The following SFI1 variants were observed in gnomAD, a reference collection of about 807,000 sequenced individuals.
SFI1 encodes protein SFI1 homolog.
Under a neutral mutation model 207.5 loss-of-function variants are expected in SFI1, and 195 were observed. The ratio of observed to expected loss-of-function variants is 0.94; its 90% CI spans 0.84 to 1.06. SFI1 has a LOEUF of 1.06. SFI1 is among the 50% of genes least tolerant of loss of function. The pLI, the probability that SFI1 is intolerant of heterozygous loss-of-function variation, is 0.00. For synonymous variants in SFI1, 630 were observed against 598.9 expected (o/e 1.05, Z -0.76); for missense variants, 1,634 against 1,588.0 (o/e 1.03, Z -0.49).
chr22:31,583,750 GTATGT>G, intron 12 of SFI1, 120 bp from the exon 13 acceptor site: 1 of 788,506 alleles, frequency 1.3e-6, no homozygotes, highest in Non-Finnish European at 2.2e-6. Context: ...TATGCCCACT[GTATGT>G]TGGCTGCTCC....
intron 8 of SFI1, among the ~76,000 whole-genome samples, chr22:31,570,464 T>C (rs2062836361): frequency 6.6e-6 from 1 of 152,176 alleles, no homozygotes; most frequent in Non-Finnish European, 1.5e-5. Flanking sequence ...TTCAGCCTGA[T>C]AGGCCTTTTG....
chr22:31,613,405 C>T lies in SFI1; in HGVS notation c.2617C>T (p.Arg873Trp), dbSNP rs780253548. ...ACTGGAAAGGAGGAGAAAGAAGGCG[C>T]GGCTGCAGTGGGCGCTCCAGGCCTA... is the stretch of plus-strand genomic sequence containing the variant. ...FVLERRRKKA[R>W]LQWALQAYQG... The change falls in exon 26 of 33, where the codon CGG becomes TGG. Residue 873 changes from arginine to tryptophan, a missense_variant. Arg to Trp is a moderately radical substitution (Grantham distance 101). Coordinates refer to ENST00000400288, the MANE Select transcript of SFI1 (RefSeq NM_001007467.3). The T allele has an allele frequency of 1.6e-5, 25 of 1,611,244 alleles. No homozygotes were observed. Among genetic ancestry groups the T allele is most frequent in the Middle Eastern group, 3.3e-4 (2 of 6,076 alleles).
chr22:31,617,015 A>C lies in SFI1; in HGVS notation c.3449A>C (p.Glu1150Ala). 6.2e-7 allele frequency: 1 copy of C among 1,614,056 alleles called. No individual in the cohort carries two copies. Among genetic ancestry groups the C allele is most frequent in the Non-Finnish European group, 8.5e-7 (1 of 1,180,010 alleles). ...GLSTAGSLDL[E>A]AELEEIQQQL... Reference sequence around the variant, plus strand: ...GTCGCCATAGGCAGCCTGGACCTTGAGGCTGAACTTGAGGAGATCCAGCAG... The same window carrying C: ...GTCGCCATAGGCAGCCTGGACCTTGCGGCTGAACTTGAGGAGATCCAGCAG... Residue 1150 changes from glutamate (E) to alanine (A), a missense_variant, in exon 31 of 33, where the codon GAG (glutamate) becomes GCG (alanine). By Grantham distance (107) the Glu-to-Ala change is moderately radical. Coordinates refer to ENST00000400288, the MANE Select transcript of SFI1 (RefSeq NM_001007467.3).
rs188458317 is a variant in SFI1 at position 31,544,580 on chromosome 22, G to T, written c.339-2281G>T. On this transcript the variant is annotated intron_variant, in intron 4 of 32. Transcript: ENST00000400288. ...CTAGCTAGGGTAACATAGTGAAACC[G>T]TGCCTCTACAAAAAATAAAAAATTA... 2.6e-5 allele frequency among the ~76,000 whole-genome samples: 4 copies of T among 152,016 alleles called. No individual in the cohort carries two copies. In the East Asian group the frequency reaches 7.8e-4, roughly 29 times the overall value.
intron 4 of SFI1, among the ~76,000 whole-genome samples, chr22:31,535,855 G>C (rs1022506357): frequency 2.6e-5 from 4 of 152,078 alleles, no homozygotes; most frequent in South Asian, 4.1e-4. Flanking sequence ...TTCTGCCTCT[G>C]CCTCCCAAGT....
chr22:31,570,859 A>T (rs912812540), intron 8 of SFI1, among the ~76,000 whole-genome samples: 26 of 152,220 alleles, frequency 1.7e-4, no homozygotes, highest in Admixed American at 1.5e-3. Flanking sequence ...GGAACAAAGC[A>T]GGGACACATC....
chr22:31,527,894 A>AC (rs1297827355), intron 2 of SFI1, among the ~76,000 whole-genome samples: 1 of 152,042 alleles, frequency 6.6e-6, no homozygotes, highest in Non-Finnish European at 1.5e-5. Flanking sequence ...TGGGTGGATA[A>AC]CCTGAGGTCA....
intron 6 of SFI1, among the ~76,000 whole-genome samples, chr22:31,556,124 C>T (rs2061134331): frequency 6.6e-6 from 1 of 151,520 alleles, no homozygotes; most frequent in South Asian, 2.1e-4. Flanking sequence ...AAAGAGTGAG[C>T]TTGGAGTCAA....
At chr22:31,582,883 AAG>A in intron 12 of SFI1, among the ~76,000 whole-genome samples, 1 of 152,302 alleles carries the variant, frequency 6.6e-6, no homozygotes. Flanking sequence ...TTTTTTAAAA[AAG>A]GACAGGCCAG....
intron 4 of SFI1, among the ~76,000 whole-genome samples, chr22:31,535,158 T>C (rs377414154): frequency 0.012 from 1,745 of 146,764 alleles, 10 homozygotes; most frequent in Middle Eastern, 0.033. Flanking sequence ...TGAGCCACGG[T>C]GCCCGGCCTC....
In SFI1 at chr22:31,561,279, C is replaced by T. The variant is rs746883087; in HGVS notation, c.663-11C>T. 6 of 1,611,466 alleles carry T rather than the reference C, an allele frequency of 3.7e-6. No homozygotes were observed. Among genetic ancestry groups the T allele is most frequent in the Non-Finnish European group, 5.1e-6 (6 of 1,178,394 alleles). On this transcript the variant is annotated splice_polypyrimidine_tract_variant and intron_variant, in intron 7 of 32. Coordinates refer to ENST00000400288, the MANE Select transcript of SFI1 (RefSeq NM_001007467.3). ...ACTGATGGATTCCATCTTTGATTTG[C>T]TGTTTCACAGGGTGTGGTGGAGCAC...
At chr22:31,533,604 C>T (rs1282654128) in intron 4 of SFI1, among the ~76,000 whole-genome samples, 1 of 152,014 alleles carries the variant, frequency 6.6e-6, no homozygotes, top group Non-Finnish European at 1.5e-5. Context: ...CAAGCAGCGA[C>T]CAAAAGCAAG....
intron 8 of SFI1, among the ~76,000 whole-genome samples, chr22:31,561,971 G>GA (rs913864028): frequency 3.3e-4 from 50 of 149,680 alleles, no homozygotes; most frequent in African/African-American, 8.6e-4. Flanking sequence ...CAGAGAAGAG[G>GA]AAAAAAAAAA....
intron 4 of SFI1, among the ~76,000 whole-genome samples, chr22:31,543,492 T>C (rs1162778087): frequency 6.6e-6 from 1 of 152,176 alleles, no homozygotes; most frequent in East Asian, 1.9e-4. Context: ...ACCTTATGTA[T>C]GTCTTTGTAA....
At chr22:31,517,887 T>C (rs531282575) in intron 2 of SFI1, among the ~76,000 whole-genome samples, 1 of 152,338 alleles carries the variant, frequency 6.6e-6, no homozygotes, top group South Asian at 2.1e-4. Context: ...TCTAGTACTT[T>C]TAAGAATGTC....
Position 31,606,393 on chromosome 22 carries a change from A to C in SFI1, c.2120A>C (p.Gln707Pro). Reference sequence around the variant, plus strand: ...GTGGATGAAGCCAAAAAAACCTTTCAAGCAAGTACTCATTACAGAAGGACC... The same window carrying C: ...GTGGATGAAGCCAAAAAAACCTTTCCAGCAAGTACTCATTACAGAAGGACC... ...ARVDEAKKTFQASTHYRRTIC... is the reference protein window; with the variant it reads ...ARVDEAKKTFPASTHYRRTIC... Residue 707 changes from glutamine to proline, a missense_variant, in exon 21 of 33, where the codon CAA (glutamine) becomes CCA (proline). By Grantham distance (76) the Gln-to-Pro change is moderately conservative. Coordinates refer to ENST00000400288, the MANE Select transcript of SFI1 (RefSeq NM_001007467.3). 2 of 1,613,876 alleles carry C rather than the reference A, an allele frequency of 1.2e-6. No individual in the cohort carries two copies. Among genetic ancestry groups the C allele is most frequent in the Non-Finnish European group, 1.7e-6 (2 of 1,180,010 alleles).
intron 8 of SFI1, 117 bp downstream of exon 8, chr22:31,561,509 G>GAGGT: frequency 1.2e-6 from 1 of 803,528 alleles, no homozygotes; most frequent in Non-Finnish European, 1.9e-6. Flanking sequence ...GGTGGGGACA[G>GAGGT]AGGTAATCTG....
At chr22:31,554,668 G>A (rs574511089) in intron 6 of SFI1, among the ~76,000 whole-genome samples, 2 of 149,044 alleles carry the variant, frequency 1.3e-5, no homozygotes, top group Non-Finnish European at 3.0e-5. Flanking sequence ...GCAGAGTGGC[G>A]TGATCTCGGC....
At chr22:31,512,432 G>T (rs1327757939) in intron 2 of SFI1, among the ~76,000 whole-genome samples, 1 of 149,628 alleles carries the variant, frequency 6.7e-6, no homozygotes, top group Non-Finnish European at 1.5e-5. Context: ...ACTGTTTTCA[G>T]TTTTTAAATT....
Sources: gnomAD v4.1 joint callset for allele counts (sites outside exome capture counted in the v4.1 genomes callset) on GRCh38, gnomAD v4.1.1 for gene constraint, MANE v1.5 for transcripts, NCBI Gene and HGNC (gene_info 2026-07-23, HGNC 2026-07-21) for gene names.